The following PTPRK variants were observed in gnomAD, a reference collection of about 807,000 sequenced individuals.
PTPRK encodes protein tyrosine phosphatase receptor type K, also known as receptor-type tyrosine-protein phosphatase kappa.
A neutral mutation model predicts 178.0 loss-of-function variants in PTPRK; 75 were observed. The ratio of observed to expected loss-of-function variants is 0.42; its 90% confidence interval spans 0.35 to 0.51. PTPRK has a LOEUF of 0.51. Ranked by LOEUF, PTPRK falls within the 20% of genes least tolerant of loss-of-function variation. PTPRK has a pLI of 0.02. For synonymous variants in PTPRK, 637 were observed against 620.6 expected, an observed-to-expected ratio of 1.03 and a Z score of -0.39; for missense variants, 1,441 against 1,797.8, an observed-to-expected ratio of 0.80 and a Z score of 3.59.
intron 1 of PTPRK, among the ~76,000 whole-genome samples, chr6:128,517,745 A>G (rs1190739364): frequency 6.6e-6 from 1 of 152,242 alleles, no homozygotes; most frequent in African/African-American, 2.4e-5. Flanking sequence ...TTACTACATT[A>G]GGAACCACAT....
At chr6:128,212,939 A>G (rs1223152220) in intron 6 of PTPRK, among the ~76,000 whole-genome samples, 1 of 152,072 alleles carries the variant, frequency 6.6e-6, no homozygotes, top group Non-Finnish European at 1.5e-5. Flanking sequence ...AAATTAATAG[A>G]AAAAAGTATT....
At chr6:128,441,451 A>C (rs940091762) in intron 1 of PTPRK, among the ~76,000 whole-genome samples, 2 of 137,480 alleles carry the variant, frequency 1.5e-5, no homozygotes, top group Non-Finnish European at 3.1e-5. Context: ...TTTATTAATC[A>C]AAAAAAAAAC....
chr6:128,008,348 TC>T (rs35736453), intron 14 of PTPRK, among the ~76,000 whole-genome samples: 32,095 of 150,780 alleles, frequency 0.21, 4,346 homozygotes, highest in Admixed American at 0.3. Flanking sequence ...TTTTTAAAAG[TC>T]CTTCCAAATT....
chr6:128,301,347 AATG>A (rs1825576026), intron 3 of PTPRK, among the ~76,000 whole-genome samples: 1 of 152,040 alleles, frequency 6.6e-6, no homozygotes, highest in Non-Finnish European at 1.5e-5. Flanking sequence ...CTTAAACCAA[AATG>A]ATAATTTTTC....
In PTPRK at chr6:128,003,640, T is replaced by C. The variant is rs570452069; in HGVS notation, c.2494+1444A>G. Among the ~76,000 whole-genome samples the C allele has an allele frequency of 1.3e-4, 19 of 151,998 alleles. No homozygotes were observed. The South Asian group carries it at 3.5e-3, about 28-fold the overall frequency. On this transcript the variant is annotated intron_variant, in intron 15 of 29. Transcript: ENST00000368226. The stretch of plus-strand genomic sequence containing the variant: ...TAAGTTCATAAGTGGATATTTATAG[T>C]TACACTGCTGAATTCAAACTTTCAA...
At chr6:128,232,284 T>C (rs1351895511) in intron 5 of PTPRK, 1 of 152,286 alleles carries the variant, frequency 6.6e-6, no homozygotes, top group Non-Finnish European at 1.5e-5. Context: ...TTTCACCAAA[T>C]ACTCCAGTCC....
intron 18 of PTPRK, among the ~76,000 whole-genome samples, chr6:127,995,002 C>T (rs1280380060): frequency 1.3e-5 from 2 of 151,764 alleles, no homozygotes; most frequent in Admixed American, 6.6e-5. Flanking sequence ...AAATAAAACT[C>T]GAGTACATAA....
chr6:128,351,246 A>G (rs528524856), intron 2 of PTPRK, among the ~76,000 whole-genome samples: 2 of 152,332 alleles, frequency 1.3e-5, no homozygotes, highest in South Asian at 4.1e-4. Flanking sequence ...AACACGGGAA[A>G]AAGACATCTG....
intron 14 of PTPRK, among the ~76,000 whole-genome samples, chr6:128,005,523 T>C (rs1475102006): frequency 6.7e-6 from 1 of 150,340 alleles, no homozygotes; most frequent in African/African-American, 2.5e-5. Flanking sequence ...AAAATATAAT[T>C]ATATTTATTA....
chr6:128,304,182 A>G (rs1359220805), intron 3 of PTPRK, among the ~76,000 whole-genome samples: 1 of 152,210 alleles, frequency 6.6e-6, no homozygotes, highest in Non-Finnish European at 1.5e-5. Context: ...TAGTCTTGCC[A>G]AGCAAAACCT....
chr6:128,393,872 C>T (rs763384011), intron 2 of PTPRK, among the ~76,000 whole-genome samples: 9 of 151,960 alleles, frequency 5.9e-5, no homozygotes, highest in Non-Finnish European at 1.0e-4. Flanking sequence ...AAGAAAAGTA[C>T]ACAACTCATC....
chr6:128,510,530 A>C (rs1000828437), intron 1 of PTPRK, among the ~76,000 whole-genome samples: 6 of 152,180 alleles, frequency 3.9e-5, no homozygotes, highest in African/African-American at 1.4e-4. Flanking sequence ...AAAATAGTAG[A>C]GTTAGTAGGT....
chr6:128,301,512 GATAATA>G (rs565928531), intron 3 of PTPRK, among the ~76,000 whole-genome samples: 37 of 151,682 alleles, frequency 2.4e-4, no homozygotes, highest in Non-Finnish European at 4.3e-4. Context: ...TATTAGTTAC[GATAATA>G]ATAATAATAT....
intron 15 of PTPRK, among the ~76,000 whole-genome samples, chr6:128,002,387 A>G (rs1266959128): frequency 6.6e-6 from 1 of 151,916 alleles, no homozygotes; most frequent in Non-Finnish European, 1.5e-5. Context: ...AAGCTTAACT[A>G]GAAACGCTGG....
chr6:128,110,410 C>T (rs1282628588), intron 7 of PTPRK, among the ~76,000 whole-genome samples: 1 of 152,040 alleles, frequency 6.6e-6, no homozygotes, highest in Non-Finnish European at 1.5e-5. Flanking sequence ...GAAGTAGTAG[C>T]CGACGTTTCA....
intron 7 of PTPRK, among the ~76,000 whole-genome samples, chr6:128,106,548 A>G (rs1562594388): frequency 6.6e-6 from 1 of 152,166 alleles, no homozygotes; most frequent in Non-Finnish European, 1.5e-5. Context: ...CTAAAATCTA[A>G]TAGAAGTGTG....
intron 3 of PTPRK, among the ~76,000 whole-genome samples, chr6:128,302,390 C>CAAA (rs1825761470): frequency 2.0e-5 from 1 of 50,638 alleles, no homozygotes; most frequent in Non-Finnish European, 3.4e-5. Context: ...AGACTCAATT[C>CAAA]CAAAAAAAAA....
chr6:128,032,664 G>T (rs1775538826), intron 13 of PTPRK, among the ~76,000 whole-genome samples: 1 of 152,116 alleles, frequency 6.6e-6, no homozygotes, highest in African/African-American at 2.4e-5. Context: ...AGGATGAAAA[G>T]ATGCAATAAT....
Position 128,109,911 on chromosome 6 carries a change from G to C in PTPRK, c.1163-19919C>G, listed in dbSNP as rs186958874. The stretch of plus-strand genomic sequence containing the variant: ...AAGTGTATACACACTACTTTTTTGG[G>C]GGGGGAGGAGGAGAGACAGGCTCTT... On this transcript the variant is annotated intron_variant, in intron 7 of 29. Transcript: ENST00000368226. Among the ~76,000 whole-genome samples the C allele has an allele frequency of 5.0e-3, 756 of 151,996 alleles. 4 individuals carry two copies. The highest frequency in any genetic ancestry group is 0.02 in the Middle Eastern group (6 of 294).
Sources: gnomAD v4.1 joint callset for allele counts (sites outside exome capture counted in the v4.1 genomes callset) on GRCh38, gnomAD v4.1.1 for gene constraint, MANE v1.5 for transcripts, NCBI Gene and HGNC (gene_info 2026-07-23, HGNC 2026-07-21) for gene names.